Variants in ARHGAP8 observed in about 807,000 individuals in gnomAD.
ARHGAP8 encodes Rho GTPase activating protein 8, also known as rho GTPase-activating protein 8.
ARHGAP8 carries 62 observed loss-of-function variants against 46.1 expected under a neutral mutation model. The ratio of observed to expected loss-of-function variants is 1.34; its 90% CI spans 1.10 to 1.66. ARHGAP8 has a LOEUF of 1.66. Ranked by LOEUF, ARHGAP8 falls within the 40% of genes most tolerant of loss-of-function variation. The probability of loss-of-function intolerance (pLI) is 0.00; values close to 1 mark genes in which losing one functional copy is unlikely to be tolerated. For synonymous variants in ARHGAP8, 375 were observed against 243.1 expected (o/e 1.54, Z -5.05); for missense variants, 923 against 568.4 (o/e 1.62, Z -6.34).
chr22:44,815,202 C>T (rs891562699), intron 5 of ARHGAP8, among the ~76,000 whole-genome samples: 5 of 152,164 alleles, frequency 3.3e-5, no homozygotes, highest in East Asian at 1.9e-4. Flanking sequence ...CCTCTCCGGG[C>T]GGATTCATAC....
intron 2 of ARHGAP8, among the ~76,000 whole-genome samples, chr22:44,800,405 C>G (rs1221171294): frequency 6.6e-6 from 1 of 152,002 alleles, no homozygotes; most frequent in African/African-American, 2.4e-5. Context: ...TGCACCCGGC[C>G]TGATCTGTCT....
At chr22:44,764,666 A>C (rs1168695740) in intron 1 of ARHGAP8, among the ~76,000 whole-genome samples, 1 of 152,124 alleles carries the variant, frequency 6.6e-6, no homozygotes, top group Non-Finnish European at 1.5e-5. Flanking sequence ...GTGTCAGTTG[A>C]CGACACAAGA....
intron 2 of ARHGAP8, among the ~76,000 whole-genome samples, chr22:44,793,484 G>A (rs1047405904): frequency 2.6e-5 from 4 of 152,160 alleles, no homozygotes; most frequent in Admixed American, 2.0e-4. Context: ...AGGCCTAAAG[G>A]GGTCTTCAGC....
chr22:44,804,468 CAATG>C (rs775484030), intron 3 of ARHGAP8, among the ~76,000 whole-genome samples: 21 of 152,310 alleles, frequency 1.4e-4, no homozygotes, highest in Non-Finnish European at 2.9e-4. Flanking sequence ...TGCTCCCCGA[CAATG>C]AACTGATTGA....
intron 1 of ARHGAP8, among the ~76,000 whole-genome samples, chr22:44,780,714 C>T (rs1258289593): frequency 1.3e-5 from 2 of 152,182 alleles, no homozygotes; most frequent in African/African-American, 4.8e-5. Flanking sequence ...ACCCCATCCT[C>T]AGGCCCTGCC....
intron 8 of ARHGAP8, among the ~76,000 whole-genome samples, chr22:44,847,165 C>T (rs1026643720): frequency 1.3e-5 from 2 of 152,184 alleles, no homozygotes; most frequent in African/African-American, 4.8e-5. Context: ...CGCAGGCCCC[C>T]CAAGGGCAGG....
At chr22:44,777,008 T>C (rs1926477025) in intron 1 of ARHGAP8, among the ~76,000 whole-genome samples, 1 of 152,088 alleles carries the variant, frequency 6.6e-6, no homozygotes, top group Admixed American at 6.5e-5. Context: ...GGACCGGCTT[T>C]TTGCCCTCAG....
chr22:44,840,024 C>T (rs1450584495), intron 7 of ARHGAP8, among the ~76,000 whole-genome samples: 1 of 152,318 alleles, frequency 6.6e-6, no homozygotes, highest in Admixed American at 6.5e-5. Flanking sequence ...CGCAGTGTCC[C>T]CAGCCTGATG....
At chr22:44,856,254 CTTTTTTTTTTTTTTTTT>C (rs557242169) in intron 10 of ARHGAP8, among the ~76,000 whole-genome samples, 1,113 of 86,922 alleles carry the variant, frequency 0.013, 32 homozygotes, top group African/African-American at 0.045. Flanking sequence ...TATAAATTCC[CTTTTTTTTTTTTTTTTT>C]TTTTTTTTTT....
At chr22:44,792,858 C>G (rs1047103869) in intron 2 of ARHGAP8, among the ~76,000 whole-genome samples, 1 of 149,860 alleles carries the variant, frequency 6.7e-6, no homozygotes, top group Non-Finnish European at 1.5e-5. Flanking sequence ...AAGTCTTACT[C>G]TGTTGCTCAG....
chr22:44,860,631 A>T (rs542876271), intron 11 of ARHGAP8, among the ~76,000 whole-genome samples: 2 of 80,368 alleles, frequency 2.5e-5, no homozygotes, highest in South Asian at 7.6e-4. Flanking sequence ...GCCACCATTC[A>T]ATCTACTACA....
chr22:44,834,006 AT>A (rs1434119251), intron 7 of ARHGAP8, among the ~76,000 whole-genome samples: 1 of 152,010 alleles, frequency 6.6e-6, no homozygotes, highest in Non-Finnish European at 1.5e-5. Flanking sequence ...TTCCTCTTCC[AT>A]TCCTGATTTT....
rs574032775 is a variant in ARHGAP8, at chr22:44,861,971, C to G, written c.982-304C>G. ...TCGTACCGTCTGTGCTACAGCCCAT[C>G]CCCAAGATTGCATCTCCCCAGAAGG... is the stretch of plus-strand genomic sequence containing the variant. On this transcript the variant is annotated intron_variant, in intron 11 of 11. Transcript: ENST00000356099. Among the ~76,000 whole-genome samples, 6 of 152,290 alleles carry G rather than the reference C, an allele frequency of 3.9e-5. No individual in the cohort carries two copies. The East Asian group carries it at 1.2e-3, about 29-fold the overall frequency.
At chr22:44,835,476 C>G (rs1036598782) in intron 7 of ARHGAP8, among the ~76,000 whole-genome samples, 1 of 152,024 alleles carries the variant, frequency 6.6e-6, no homozygotes, top group African/African-American at 2.4e-5. Context: ...AAAAAATTAG[C>G]CGGGCATGGT....
intron 7 of ARHGAP8, among the ~76,000 whole-genome samples, chr22:44,843,089 C>T (rs1038565006): frequency 3.9e-5 from 6 of 152,186 alleles, no homozygotes; most frequent in African/African-American, 1.4e-4. Flanking sequence ...CCTCACGAGG[C>T]CAGCTGTGGA....
intron 1 of ARHGAP8, among the ~76,000 whole-genome samples, chr22:44,782,806 G>A (rs1188698021): frequency 6.6e-6 from 1 of 152,174 alleles, no homozygotes; most frequent in Admixed American, 6.5e-5. Flanking sequence ...GAGCATGCGT[G>A]TACGTGTATT....
At chr22:44,816,967 C>T (rs1182198785) in intron 5 of ARHGAP8, among the ~76,000 whole-genome samples, 1 of 150,010 alleles carries the variant, frequency 6.7e-6, no homozygotes, top group East Asian at 2.0e-4. Flanking sequence ...CTCACTGCTA[C>T]CTCTGCCTCC....
chr22:44,815,663 T>A (rs1173157801), intron 5 of ARHGAP8, among the ~76,000 whole-genome samples: 1 of 152,134 alleles, frequency 6.6e-6, no homozygotes, highest in East Asian at 1.9e-4. Context: ...ATGTGGCGAC[T>A]TCAGTCAGCT....
At chr22:44,765,840 TGA>T (rs896418454) in intron 1 of ARHGAP8, 2 of 152,248 alleles carry the variant, frequency 1.3e-5, no homozygotes, top group African/African-American at 4.8e-5. Flanking sequence ...TGTAGATGAT[TGA>T]GTTTCTTTTC....
Sources: allele counts gnomAD v4.1 joint callset (sites outside exome capture counted in the v4.1 genomes callset), GRCh38; gene constraint gnomAD v4.1.1; transcripts MANE v1.5; gene names NCBI Gene and HGNC (gene_info 2026-07-23, HGNC 2026-07-21).